Variants in PRRT4 observed in about 807,000 individuals in gnomAD.
PRRT4 encodes proline-rich transmembrane protein 4.
PRRT4 carries 59 observed loss-of-function variants against 55.6 expected under a neutral mutation model. That is an observed-to-expected ratio of 1.06 (90% CI 0.86 to 1.32). The LOEUF (loss-of-function observed/expected upper bound fraction) is 1.32, where lower values mean the gene tolerates loss of function less well. Among genes scored for constraint, PRRT4 ranks in the 40% most tolerant of loss-of-function variants. The probability of loss-of-function intolerance (pLI) is 0.00; values close to 1 mark genes in which losing one functional copy is unlikely to be tolerated. For synonymous variants in PRRT4, 606 were observed against 601.8 expected (o/e 1.01, Z -0.10); for missense variants, 1,217 against 1,222.0 (o/e 1.00, Z 0.06).
intron 4 of PRRT4, among the ~76,000 whole-genome samples, chr7:128,354,568 A>ACACACAC (rs1562967733): frequency 3.6e-4 from 44 of 121,356 alleles, no homozygotes; most frequent in Middle Eastern, 5.0e-3. Context: ...TGGCTCAAAA[A>ACACACAC]AAACACACAC....
intron 4 of PRRT4, among the ~76,000 whole-genome samples, chr7:128,356,173 C>T (rs987638493): frequency 2.0e-5 from 3 of 152,114 alleles, no homozygotes; most frequent in Admixed American, 6.6e-5. Context: ...GCAGGAGAAT[C>T]GCTTGAACCC....
At chr7:128,354,570 A>AACACAC (rs927167837) in intron 4 of PRRT4, among the ~76,000 whole-genome samples, 1 of 83,482 alleles carries the variant, frequency 1.2e-5, no homozygotes, top group South Asian at 3.6e-4. Flanking sequence ...GCTCAAAAAA[A>AACACAC]ACACACACAC....
At chr7:128,357,151 A>G (rs950393065) in intron 4 of PRRT4, among the ~76,000 whole-genome samples, 2 of 152,092 alleles carry the variant, frequency 1.3e-5, no homozygotes, top group Non-Finnish European at 2.9e-5. Context: ...CTTAGGTTAG[A>G]AAGATTCTAG....
At chr7:128,354,570 AACACACACACAC>A (rs927167837) in intron 4 of PRRT4, among the ~76,000 whole-genome samples, 5 of 83,598 alleles carry the variant, frequency 6.0e-5, no homozygotes, top group Admixed American at 3.6e-4. Context: ...GCTCAAAAAA[AACACACACACAC>A]ACACACACAC....
chr7:128,360,611 G>A (rs922901763), intron 1 of PRRT4, among the ~76,000 whole-genome samples: 2 of 152,056 alleles, frequency 1.3e-5, no homozygotes, highest in Non-Finnish European at 2.9e-5. Context: ...TCAGAAGGCC[G>A]CCCAGGCTCT....
chr7:128,352,023 C>A, exon 5 of PRRT4: 1 of 1,309,622 alleles, frequency 7.6e-7, no homozygotes, highest in South Asian at 2.0e-5. Flanking sequence ...CCAGCAGCAG[C>A]CCGGAAAGGA....
At chr7:128,359,960 A>T in exon 2 of PRRT4, 1 of 1,411,120 alleles carries the variant, frequency 7.1e-7, no homozygotes, top group Non-Finnish European at 9.3e-7. Context: ...GCAGCAGAAC[A>T]GTCCCAGCCC....
chr7:128,350,827 T>C (rs1796940372), downstream of PRRT4: 3 of 1,546,726 alleles, frequency 1.9e-6, no homozygotes, highest in Admixed American at 2.0e-5. Flanking sequence ...GAAAGGGGCA[T>C]ATCGCAGGGT....
Position 128,358,852 on chromosome 7 carries a change from C to G in PRRT4, c.758-52G>C. The G allele has an allele frequency of 2.0e-6, 3 of 1,482,316 alleles. No homozygotes were observed. Among genetic ancestry groups the G allele is most frequent in the Non-Finnish European group, 2.7e-6 (3 of 1,119,996 alleles). The allele number at this position is 1,482,316 out of a possible 1,614,324, so 91.8% of individuals were successfully genotyped here. A position where few individuals can be genotyped will look rare whatever the true frequency, so the allele number is the denominator to read the frequency against. Reference sequence around the variant, plus strand: ...GTGCCACCCCACCAACCAGCCTTGCCTCTGGGAGTTTGGAGAAAATTATGT... The same window carrying G: ...GTGCCACCCCACCAACCAGCCTTGCGTCTGGGAGTTTGGAGAAAATTATGT... On this transcript the variant is annotated intron_variant, in intron 3 of 4. Transcript: ENST00000535159. The surrounding 1 kb of genome is among the most constrained non-coding windows in gnomAD (Gnocchi z 4.4).
Position 128,358,655 on chromosome 7 carries a change from C to A in PRRT4, c.877+26G>T. 1 of 1,549,380 alleles carries A rather than the reference C, an allele frequency of 6.5e-7. No homozygotes were observed. Among genetic ancestry groups the A allele is most frequent in the South Asian group, 1.2e-5 (1 of 83,944 alleles). The stretch of plus-strand genomic sequence containing the variant: ...TAGTAAGTGCTCAATAAATAATTGT[C>A]AAGTTCAAATGAATTGGATACTTAC... On this transcript the variant is annotated intron_variant, in intron 4 of 4. Coordinates refer to ENST00000535159, the Ensembl canonical transcript of PRRT4. The surrounding 1 kb of genome is among the most constrained non-coding windows in gnomAD (Gnocchi z 4.4).
exon 5 of PRRT4, chr7:128,350,995 G>A (rs894554187): frequency 1.3e-6 from 2 of 1,550,632 alleles, no homozygotes; most frequent in African/African-American, 1.4e-5. Flanking sequence ...TGGGGACAGG[G>A]CCTGGTAGGA....
intron 1 of PRRT4, among the ~76,000 whole-genome samples, 199 bp downstream of exon 2, chr7:128,361,097 TCTCTCTCACA>T (rs1357284507): frequency 8.8e-5 from 12 of 136,388 alleles, no homozygotes; most frequent in African/African-American, 2.6e-4. Flanking sequence ...TCTCTCTCTC[TCTCTCTCACA>T]CACACACACA....
chr7:128,353,643 T>C (rs1283526763), intron 4 of PRRT4, among the ~76,000 whole-genome samples: 1 of 152,204 alleles, frequency 6.6e-6, no homozygotes, highest in Non-Finnish European at 1.5e-5. Context: ...TGTCTTAATA[T>C]AGATGGCTCC....
chr7:128,352,623 C>T, exon 5 of PRRT4: 1 of 1,541,320 alleles, frequency 6.5e-7, no homozygotes, highest in South Asian at 1.2e-5. Flanking sequence ...CCGAAGGGTT[C>T]CCGAGGCTGG....
chr7:128,352,761 CAG>C, intron 4 of PRRT4, 83 bp from the exon 6 acceptor site: 2 of 1,295,192 alleles, frequency 1.5e-6, no homozygotes. Flanking sequence ...GAATGCCAGT[CAG>C]AGTCCCCTAC....
Position 128,358,900 on chromosome 7 carries a change from G to A in PRRT4, c.758-100C>T, listed in dbSNP as rs1463312916. 6.9e-7 allele frequency: 1 copy of A among 1,457,638 alleles called. No homozygotes were observed. The highest frequency in any genetic ancestry group is 9.0e-7 in the Non-Finnish European group (1 of 1,105,398). The allele number at this position is 1,457,638 out of a possible 1,614,324, so 90.3% of individuals were successfully genotyped here. A position where few individuals can be genotyped will look rare whatever the true frequency, so the allele number is the denominator to read the frequency against. On this transcript the variant is annotated intron_variant, in intron 3 of 4. Transcript: ENST00000535159. This position sits in a 1 kb window ranked among gnomAD's most constrained non-coding sequence, Gnocchi z 4.4. ...TGTCCTTCCCCAGAGTTTGTCCTAA[G>A]GAAGTCACTGTCCCAGGAATTGTAG... is the stretch of plus-strand genomic sequence containing the variant.
chr7:128,359,749 T>C (rs1199036731), exon 2 of PRRT4: 2 of 1,551,012 alleles, frequency 1.3e-6, no homozygotes, highest in Non-Finnish European at 8.7e-7. Context: ...GCTCCTGGCC[T>C]GGCCCAAGAG....
intron 4 of PRRT4, among the ~76,000 whole-genome samples, chr7:128,357,810 C>T (rs377515450): frequency 1.3e-5 from 2 of 152,198 alleles, no homozygotes; most frequent in East Asian, 3.9e-4. Context: ...GCCTCATCCA[C>T]CAGAACCTCT....
intron 3 of PRRT4, 82 bp downstream of exon 4, chr7:128,359,067 G>GA: frequency 7.1e-7 from 1 of 1,417,914 alleles, no homozygotes. Context: ...AGTAAAAAAA[G>GA]AAAGGTACTT....
Sources: allele counts gnomAD v4.1 joint callset (sites outside exome capture counted in the v4.1 genomes callset), GRCh38; gene constraint gnomAD v4.1.1; non-coding constraint Gnocchi (gnomAD v3.1); transcripts MANE v1.5; gene names NCBI Gene and HGNC (gene_info 2026-07-23, HGNC 2026-07-21).